PEAK1: variants seen among roughly 807,000 people sequenced by gnomAD.
PEAK1 encodes inactive tyrosine-protein kinase PEAK1.
Under a neutral mutation model 124.7 loss-of-function variants are expected in PEAK1, and 54 were observed. That is an observed-to-expected ratio of 0.43 (90% CI 0.35 to 0.54). The LOEUF is 0.54. Ranked by LOEUF, PEAK1 falls within the 20% of genes least tolerant of loss-of-function variation. The probability of loss-of-function intolerance (pLI) is 0.01; values close to 1 mark genes in which losing one functional copy is unlikely to be tolerated. For synonymous variants in PEAK1, 719 were observed against 760.0 expected, an observed-to-expected ratio of 0.95 and a Z score of 0.89; for missense variants, 2,046 against 2,134.5, an observed-to-expected ratio of 0.96 and a Z score of 0.82.
At position 77,181,217 on chromosome 15, in the gene PEAK1, T is replaced by C; in HGVS notation, c.710A>G (p.Glu237Gly). ...YPEFSSGEES[E>G]EDVLFSNMEE... The stretch of plus-strand genomic sequence containing the variant: ...CATGTTACTGAAAAGTACATCCTCT[T>C]CACTCTCCTCGCCACTGGAAAACTC... The change falls in exon 7 of 10, where the codon GAA (glutamate) becomes GGA (glycine). Residue 237 changes from glutamate to glycine, a missense_variant. Physicochemically the swap from Glu to Gly is moderately conservative, Grantham distance 98 (BLOSUM62 -2). Transcript: ENST00000682557. 6.2e-7 allele frequency: 1 copy of C among 1,613,966 alleles called. No individual in the cohort carries two copies. Among genetic ancestry groups the C allele is most frequent in the Non-Finnish European group, 8.5e-7 (1 of 1,179,972 alleles).
intron 6 of PEAK1, among the ~76,000 whole-genome samples, chr15:77,231,024 C>A (rs913625172): frequency 1.3e-5 from 2 of 151,876 alleles, no homozygotes; most frequent in Non-Finnish European, 2.9e-5. Flanking sequence ...ATAGGACCAG[C>A]CCAGTGTTGG....
chr15:77,420,624 T>TTAA (rs555708489), upstream of PEAK1: 1 of 330,514 alleles, frequency 3.0e-6, no homozygotes, highest in Non-Finnish European at 5.4e-6. Flanking sequence ...GCCTTCGCAA[T>TTAA]AAAAAAAAAA....
At chr15:77,126,558 AT>A (rs1478842212) in intron 9 of PEAK1, among the ~76,000 whole-genome samples, 1 of 152,160 alleles carries the variant, frequency 6.6e-6, no homozygotes, top group Non-Finnish European at 1.5e-5. Context: ...TTGAGCAGCA[AT>A]TTTCCATTAT....
chr15:77,254,991 G>C (rs938829089), intron 5 of PEAK1, among the ~76,000 whole-genome samples: 1 of 152,130 alleles, frequency 6.6e-6, no homozygotes, highest in African/African-American at 2.4e-5. Context: ...GTTTTAGATA[G>C]CATATAAACT....
At chr15:77,388,872 A>G (rs1200693810) in intron 1 of PEAK1, among the ~76,000 whole-genome samples, 1 of 151,252 alleles carries the variant, frequency 6.6e-6, no homozygotes. Context: ...ACTTGAATAA[A>G]TTTGTTTCCA....
At chr15:77,379,583 G>T (rs1196894678) in intron 1 of PEAK1, among the ~76,000 whole-genome samples, 1 of 152,108 alleles carries the variant, frequency 6.6e-6, no homozygotes, top group East Asian at 1.9e-4. Context: ...AGATTCAGGG[G>T]TTTGCTGCAA....
chr15:77,142,181 AT>A (rs953123561), intron 8 of PEAK1, among the ~76,000 whole-genome samples: 1 of 152,232 alleles, frequency 6.6e-6, no homozygotes, highest in African/African-American at 2.4e-5. Flanking sequence ...TTGCATAGCT[AT>A]TTCTTCAAAG....
intron 6 of PEAK1, among the ~76,000 whole-genome samples, chr15:77,224,624 A>G (rs780676241): frequency 1.5e-4 from 23 of 152,060 alleles, no homozygotes; most frequent in Non-Finnish European, 3.1e-4. Flanking sequence ...AGATAAGCCA[A>G]TATTTCCTGT....
chr15:77,358,693 T>C (rs1018596265), intron 2 of PEAK1, among the ~76,000 whole-genome samples: 4 of 152,056 alleles, frequency 2.6e-5, no homozygotes, highest in Non-Finnish European at 5.9e-5. Context: ...CACAACATAG[T>C]GAAAAAGTAC....
chr15:77,343,824 A>G lies in PEAK1; in HGVS notation c.-603+21339T>C, dbSNP rs148492205. ...TTTTGTTACCTGTGCATTTGGTGTTATAACTAAGAAATCACTACAAATTCA... is the reference window on the plus strand; with the variant it reads ...TTTTGTTACCTGTGCATTTGGTGTTGTAACTAAGAAATCACTACAAATTCA... On this transcript the variant is annotated intron_variant, in intron 2 of 9. Transcript: ENST00000682557. Among the ~76,000 whole-genome samples the G allele has an allele frequency of 7.6e-4, 116 of 152,216 alleles. 4 individuals carry two copies. The East Asian group carries it at 0.017, about 22-fold the overall frequency.
chr15:77,195,946 C>T (rs767629117), intron 6 of PEAK1, among the ~76,000 whole-genome samples: 3 of 152,222 alleles, frequency 2.0e-5, no homozygotes, highest in Non-Finnish European at 4.4e-5. Flanking sequence ...GTAGCAATGC[C>T]ATCACTCTTG....
chr15:77,152,041 T>A (rs1407634135), intron 8 of PEAK1, among the ~76,000 whole-genome samples: 2 of 152,228 alleles, frequency 1.3e-5, no homozygotes, highest in Non-Finnish European at 2.9e-5. Context: ...ACTGGTAGCA[T>A]GATAGGGATG....
At chr15:77,260,192 T>C (rs115399925) in intron 5 of PEAK1, among the ~76,000 whole-genome samples, 3,443 of 152,174 alleles carry the variant, frequency 0.023, 110 homozygotes, top group African/African-American at 0.072. Context: ...TGAGGGGCCC[T>C]AGAATAAAGG....
chr15:77,274,903 A>G (rs765911183), intron 5 of PEAK1, among the ~76,000 whole-genome samples: 7 of 152,198 alleles, frequency 4.6e-5, no homozygotes, highest in Non-Finnish European at 7.4e-5. Flanking sequence ...TTGCAAAAAT[A>G]TGGAACCAGC....
At chr15:77,152,416 C>A (rs1203097736) in intron 8 of PEAK1, among the ~76,000 whole-genome samples, 1 of 151,986 alleles carries the variant, frequency 6.6e-6, no homozygotes, top group East Asian at 1.9e-4. Flanking sequence ...TCTAGATATA[C>A]AATCATGTCA....
intron 6 of PEAK1, among the ~76,000 whole-genome samples, chr15:77,219,823 C>T (rs758687598): frequency 3.3e-5 from 5 of 152,160 alleles, no homozygotes; most frequent in Non-Finnish European, 5.9e-5. Flanking sequence ...CTTCAAAACA[C>T]ACTTTTTAAC....
At chr15:77,230,060 G>A (rs1455793735) in intron 6 of PEAK1, among the ~76,000 whole-genome samples, 1 of 152,268 alleles carries the variant, frequency 6.6e-6, no homozygotes, top group South Asian at 2.1e-4. Context: ...TTCTCAAAGA[G>A]ATAATTTCAA....
In PEAK1 at chr15:77,181,948, G is replaced by A; in HGVS notation, c.-22C>T. ...ACATTTTTAAAAATAGAACTTCACA[G>A]ACAATGCTTTTCTTTCAGTGCATGA... On this transcript the variant is annotated 5_prime_UTR_variant, in exon 7 of 10. Coordinates refer to ENST00000682557, the MANE Select transcript of PEAK1 (RefSeq NM_001385026.1). 2 of 1,528,144 alleles carry A rather than the reference G, an allele frequency of 1.3e-6. No individual in the cohort carries two copies. The highest frequency in any genetic ancestry group is 1.3e-5 in the South Asian group (1 of 75,896). 94.7% of individuals were successfully genotyped at this position (1,528,144 alleles called of 1,614,324 possible).
intron 8 of PEAK1, among the ~76,000 whole-genome samples, chr15:77,144,044 A>T (rs13380152): frequency 0.22 from 34,118 of 152,198 alleles, 4,252 homozygotes; most frequent in Middle Eastern, 0.3. Context: ...GGAGAATTCC[A>T]AAAGTACCTT....
Sources: allele counts gnomAD v4.1 joint callset (sites outside exome capture counted in the v4.1 genomes callset), GRCh38; gene constraint gnomAD v4.1.1; transcripts MANE v1.5; gene names NCBI Gene and HGNC (gene_info 2026-07-23, HGNC 2026-07-21).